The following PDHX variants were observed in gnomAD, a reference collection of about 807,000 sequenced individuals.
PDHX encodes the protein pyruvate dehydrogenase protein X component, mitochondrial.
A neutral mutation model predicts 55.3 loss-of-function variants in PDHX; 33 were observed. That is an observed-to-expected ratio of 0.60 (90% CI 0.45 to 0.80). The LOEUF is 0.80. Among genes scored for constraint, PDHX ranks in the 30% least tolerant of loss-of-function variants. The pLI is 0.00. For missense variants in PDHX, 622 were observed against 619.9 expected, an observed-to-expected ratio of 1.00 and a Z score of -0.04; for synonymous variants, 226 against 219.4, an observed-to-expected ratio of 1.03 and a Z score of -0.27.
chr11:34,929,330 G>A (rs1315353799), intron 1 of PDHX, among the ~76,000 whole-genome samples: 3 of 152,062 alleles, frequency 2.0e-5, no homozygotes, highest in South Asian at 2.1e-4. Flanking sequence ...TCCCAGATTC[G>A]AGTGATTCTC....
chr11:34,940,541 A>G (rs1854449171), intron 2 of PDHX, among the ~76,000 whole-genome samples: 1 of 152,190 alleles, frequency 6.6e-6, no homozygotes, highest in Non-Finnish European at 1.5e-5. Flanking sequence ...TTGGTGTACT[A>G]TGGTTTTCAC....
intron 1 of PDHX, among the ~76,000 whole-genome samples, chr11:34,928,231 G>C (rs1854068876): frequency 6.6e-6 from 1 of 152,040 alleles, no homozygotes; most frequent in Non-Finnish European, 1.5e-5. Flanking sequence ...TTGGAATCTG[G>C]CTATAGAAGC....
intron 1 of PDHX, among the ~76,000 whole-genome samples, chr11:34,926,819 G>A (rs1854034394): frequency 6.6e-6 from 1 of 152,054 alleles, no homozygotes; most frequent in African/African-American, 2.4e-5. Flanking sequence ...TTAGATTAGT[G>A]TACCATATTT....
chr11:34,995,199 A>G lies in PDHX; in HGVS notation c.*27A>G, dbSNP rs74524673. ...CCTCAAAGATAAGAAGTTGGTGTTC[A>G]GCTTAGTTGATTCAGTAGTTGTTAC... On this transcript the variant is annotated 3_prime_UTR_variant, in exon 11 of 11. Transcript: ENST00000227868. 2.5e-6 allele frequency: 4 copies of G among 1,612,042 alleles called. No individual in the cohort carries two copies. In the African/African-American group the frequency reaches 5.3e-5, roughly 22 times the overall value.
intron 3 of PDHX, among the ~76,000 whole-genome samples, chr11:34,950,264 T>A (rs1245173647): frequency 6.6e-6 from 1 of 152,028 alleles, no homozygotes; most frequent in African/African-American, 2.4e-5. Flanking sequence ...GTGATATTTT[T>A]AATTGAGAAA....
chr11:34,966,959 C>T (rs1239207708), intron 6 of PDHX, 145 bp downstream of exon 6: 1 of 720,772 alleles, frequency 1.4e-6, no homozygotes, highest in Non-Finnish European at 2.4e-6. Context: ...TCAAGTGATT[C>T]TCCTGCCTTA....
intron 10 of PDHX, among the ~76,000 whole-genome samples, chr11:34,994,440 G>A (rs1029299370): frequency 6.6e-6 from 1 of 152,216 alleles, no homozygotes; most frequent in Non-Finnish European, 1.5e-5. Flanking sequence ...GTGAATGAGT[G>A]AATGCTTAGG....
chr11:34,935,252 T>C (rs915971353), intron 2 of PDHX, among the ~76,000 whole-genome samples: 1 of 152,158 alleles, frequency 6.6e-6, no homozygotes, highest in African/African-American at 2.4e-5. Context: ...TAGTACCAGA[T>C]GAATTGGAAT....
rs1035561881 is a variant in PDHX at position 34,953,521 on chromosome 11, A to G, written c.343-3863A>G. Among the ~76,000 whole-genome samples the G allele has an allele frequency of 9.9e-5, 15 of 152,220 alleles. 1 individual carries two copies. The East Asian group carries it at 2.9e-3, about 29-fold the overall frequency. On this transcript the variant is annotated intron_variant, in intron 3 of 10. Coordinates refer to ENST00000227868, the MANE Select transcript of PDHX (RefSeq NM_003477.3). ...TTTCATATTGAAATAGTTATGACAGATTGTGAGGAAAGATAGTTTATATTC... is the reference window on the plus strand; with the variant it reads ...TTTCATATTGAAATAGTTATGACAGGTTGTGAGGAAAGATAGTTTATATTC...
chr11:34,974,990 T>A (rs1855335563), intron 7 of PDHX, among the ~76,000 whole-genome samples: 1 of 152,196 alleles, frequency 6.6e-6, no homozygotes, highest in African/African-American at 2.4e-5. Context: ...TTGATAGTAG[T>A]CACCCTAATG....
chr11:34,916,265 C>T, upstream of PDHX: 4 of 1,612,680 alleles, frequency 2.5e-6, no homozygotes, highest in Non-Finnish European at 3.4e-6. Context: ...GTCTCCCTCC[C>T]GAGCATCACA....
chr11:34,959,228 CA>C (rs1246476429), intron 4 of PDHX, among the ~76,000 whole-genome samples: 5 of 151,876 alleles, frequency 3.3e-5, no homozygotes, highest in African/African-American at 4.8e-5. Flanking sequence ...TCAACCTCAG[CA>C]AAACAACCCA....
At chr11:34,977,693 A>G in intron 7 of PDHX, 1 of 452,622 alleles carries the variant, frequency 2.2e-6, no homozygotes, top group South Asian at 1.6e-5. Context: ...TCAGTATGTT[A>G]TAAAGCATAC....
chr11:34,929,513 G>A (rs1854104830), intron 1 of PDHX, among the ~76,000 whole-genome samples: 1 of 152,212 alleles, frequency 6.6e-6, no homozygotes, highest in Admixed American at 6.5e-5. Context: ...AATTCTGCAT[G>A]TTCAAGGTGG....
chr11:34,935,586 G>A (rs1202605607), intron 2 of PDHX, among the ~76,000 whole-genome samples: 2 of 152,134 alleles, frequency 1.3e-5, no homozygotes, highest in African/African-American at 4.8e-5. Context: ...ACCCTATGTA[G>A]CTGTCTTTCT....
chr11:34,936,793 TTTTTTTTTTTTTC>T (rs1473011166), intron 2 of PDHX, among the ~76,000 whole-genome samples: 4 of 29,772 alleles, frequency 1.3e-4, no homozygotes, highest in African/African-American at 2.5e-4. Context: ...CTTTTTTTTT[TTTTTTTTTTTTTC>T]TGAGACAGAG....
chr11:34,957,190 A>C (rs1324824896), intron 3 of PDHX, among the ~76,000 whole-genome samples, 194 bp from the exon 4 acceptor site: 1 of 152,154 alleles, frequency 6.6e-6, no homozygotes, highest in Non-Finnish European at 1.5e-5. Context: ...TGGGAAGAGG[A>C]GAATGGTGAA....
chr11:34,966,555 T>A (rs1489285094), intron 5 of PDHX, 85 bp from the exon 6 acceptor site: 1 of 1,230,886 alleles, frequency 8.1e-7, no homozygotes. Flanking sequence ...CTGTATCTTT[T>A]CTCCACATCT....
chr11:34,923,041 C>A (rs776635987), intron 1 of PDHX, among the ~76,000 whole-genome samples: 10 of 152,086 alleles, frequency 6.6e-5, no homozygotes, highest in Non-Finnish European at 1.3e-4. Flanking sequence ...GCTGAAATCT[C>A]TTCTAAAATG....
Sources: gnomAD v4.1 joint callset for allele counts (sites outside exome capture counted in the v4.1 genomes callset) on GRCh38, gnomAD v4.1.1 for gene constraint, MANE v1.5 for transcripts, NCBI Gene and HGNC (gene_info 2026-07-23, HGNC 2026-07-21) for gene names.